The following MAGI2 variants were observed in gnomAD, a reference collection of about 807,000 sequenced individuals.
MAGI2 encodes membrane-associated guanylate kinase, WW and PDZ domain-containing protein 2.
A neutral mutation model predicts 133.3 loss-of-function variants in MAGI2; 35 were observed. The observed-to-expected ratio is 0.26, with a 90% CI of 0.20 to 0.35. The LOEUF is 0.35. Among genes scored for constraint, MAGI2 ranks in the 10% least tolerant of loss-of-function variants. The pLI, the probability that MAGI2 is intolerant of heterozygous loss-of-function variation, is 1.00. For missense variants in MAGI2, 1,636 were observed against 1,863.4 expected (o/e 0.88, Z 2.25); for synonymous variants, 729 against 710.6 (o/e 1.03, Z -0.41).
At chr7:79,191,792 A>G (rs781575258) in intron 1 of MAGI2, among the ~76,000 whole-genome samples, 3 of 151,586 alleles carry the variant, frequency 2.0e-5, no homozygotes, top group Non-Finnish European at 4.4e-5. Flanking sequence ...CTTTTCTAGT[A>G]TCTATGCCCT....
At chr7:78,680,121 T>C (rs1045293397) in intron 2 of MAGI2, among the ~76,000 whole-genome samples, 2 of 152,182 alleles carry the variant, frequency 1.3e-5, no homozygotes, top group African/African-American at 2.4e-5. Context: ...CCATAAGTTA[T>C]CACAGTCCTT....
At chr7:79,052,443 G>T (rs995821175) in intron 1 of MAGI2, among the ~76,000 whole-genome samples, 6 of 152,178 alleles carry the variant, frequency 3.9e-5, no homozygotes, top group Non-Finnish European at 7.3e-5. Flanking sequence ...ACCTGCATGG[G>T]TCGCACACCC....
intron 1 of MAGI2, among the ~76,000 whole-genome samples, chr7:79,032,479 T>C (rs1214786420): frequency 4.1e-5 from 6 of 146,600 alleles, no homozygotes; most frequent in Non-Finnish European, 1.5e-5. Flanking sequence ...GATTGCACCA[T>C]TGCACTCCAG....
intron 20 of MAGI2, among the ~76,000 whole-genome samples, chr7:78,122,133 G>C (rs1372427984): frequency 6.6e-6 from 1 of 152,154 alleles, no homozygotes; most frequent in African/African-American, 2.4e-5. Context: ...CCCTCTGAGG[G>C]CTGGAGAGTA....
At chr7:78,219,393 C>A (rs1033163161) in intron 10 of MAGI2, among the ~76,000 whole-genome samples, 3 of 152,152 alleles carry the variant, frequency 2.0e-5, no homozygotes, top group Non-Finnish European at 4.4e-5. Context: ...GACAGCTTAC[C>A]AAGACAAAGG....
chr7:79,238,656 G>A (rs1832132852), intron 1 of MAGI2, among the ~76,000 whole-genome samples: 1 of 152,106 alleles, frequency 6.6e-6, no homozygotes, highest in African/African-American at 2.4e-5. Context: ...ATCATTAAGA[G>A]TAGCTAGTCA....
intron 3 of MAGI2, among the ~76,000 whole-genome samples, chr7:78,604,740 T>C (rs1805618922): frequency 1.3e-5 from 2 of 152,240 alleles, no homozygotes; most frequent in Admixed American, 6.5e-5. Flanking sequence ...TGTATTTCTC[T>C]GTTTCAATAT....
At chr7:78,041,017 G>C (rs535760307) in intron 21 of MAGI2, among the ~76,000 whole-genome samples, 1 of 152,110 alleles carries the variant, frequency 6.6e-6, no homozygotes, top group Non-Finnish European at 1.5e-5. Flanking sequence ...GCGTGTTGAT[G>C]GGGAAAGATT....
At chr7:79,276,697 C>G (rs1372749513) in intron 1 of MAGI2, among the ~76,000 whole-genome samples, 1 of 152,166 alleles carries the variant, frequency 6.6e-6, no homozygotes, top group Non-Finnish European at 1.5e-5. Context: ...TATGCAGTGG[C>G]TCATGCCTGG....
intron 1 of MAGI2, among the ~76,000 whole-genome samples, chr7:79,431,558 C>T (rs1173606215): frequency 6.6e-6 from 1 of 152,062 alleles, no homozygotes; most frequent in Non-Finnish European, 1.5e-5. Context: ...CAATGGTGTA[C>T]ATGACACAAT....
intron 9 of MAGI2, among the ~76,000 whole-genome samples, chr7:78,309,522 T>C (rs907403827): frequency 1.3e-5 from 2 of 152,024 alleles, no homozygotes; most frequent in Non-Finnish European, 2.9e-5. Context: ...GAACAATAGA[T>C]ACTGGGGACT....
chr7:79,146,082 G>T (rs1165414063), intron 1 of MAGI2, among the ~76,000 whole-genome samples: 2 of 151,918 alleles, frequency 1.3e-5, no homozygotes, highest in African/African-American at 2.4e-5. Context: ...GAAACTCAAA[G>T]CTGCACTAAA....
At chr7:79,337,337 CAAT>C (rs1840506940) in intron 1 of MAGI2, among the ~76,000 whole-genome samples, 1 of 152,140 alleles carries the variant, frequency 6.6e-6, no homozygotes, top group South Asian at 2.1e-4. Context: ...TATAGAAGTG[CAAT>C]AACAAATTGG....
chr7:78,496,483 C>T (rs1185201213), intron 5 of MAGI2, among the ~76,000 whole-genome samples: 1 of 152,168 alleles, frequency 6.6e-6, no homozygotes, highest in African/African-American at 2.4e-5. Context: ...CCAGATTAAC[C>T]CTGTGGCAGC....
intron 13 of MAGI2, among the ~76,000 whole-genome samples, chr7:78,183,664 A>G (rs910093983): frequency 6.6e-6 from 1 of 151,968 alleles, no homozygotes; most frequent in African/African-American, 2.4e-5. Flanking sequence ...TCCTGGGTTC[A>G]AGCCATTTTC....
chr7:79,027,708 T>C (rs1810037294), intron 1 of MAGI2, among the ~76,000 whole-genome samples: 1 of 152,142 alleles, frequency 6.6e-6, no homozygotes, highest in African/African-American at 2.4e-5. Flanking sequence ...GTATTTGAGA[T>C]GGTGGATATG....
rs80151496 is a variant in MAGI2, at chr7:78,481,630, A to G, written c.1045+8131T>C. On this transcript the variant is annotated intron_variant, in intron 6 of 21. Coordinates refer to ENST00000354212, the MANE Select transcript of MAGI2 (RefSeq NM_012301.4). The stretch of plus-strand genomic sequence containing the variant: ...GATGAACAGAATCCAACAGTTTATG[A>G]CAAAGGTGCACACACAATTCCATGG... Among the ~76,000 whole-genome samples the G allele has an allele frequency of 1.5e-3, 234 of 152,020 alleles. 6 individuals carry two copies. In the East Asian group the frequency reaches 0.039, roughly 25 times the overall value.
intron 1 of MAGI2, among the ~76,000 whole-genome samples, chr7:79,118,564 A>C (rs1008479860): frequency 6.6e-6 from 1 of 152,178 alleles, no homozygotes; most frequent in Non-Finnish European, 1.5e-5. Flanking sequence ...GGGAGAATAA[A>C]TAATTTATAG....
intron 3 of MAGI2, among the ~76,000 whole-genome samples, chr7:78,542,025 C>T (rs1798451465): frequency 6.6e-6 from 1 of 152,176 alleles, no homozygotes; most frequent in African/African-American, 2.4e-5. Flanking sequence ...CTCAATTCTG[C>T]TGTTGTCGCA....
Sources: gnomAD v4.1 joint callset for allele counts (sites outside exome capture counted in the v4.1 genomes callset) on GRCh38, gnomAD v4.1.1 for gene constraint, MANE v1.5 for transcripts, NCBI Gene and HGNC (gene_info 2026-07-23, HGNC 2026-07-21) for gene names.